The following GALK2 variants were observed in gnomAD, a reference collection of about 807,000 sequenced individuals.
The protein encoded by GALK2 is N-acetylgalactosamine kinase.
A neutral mutation model predicts 52.4 loss-of-function variants in GALK2; 36 were observed. That is an observed-to-expected ratio of 0.69 (90% CI 0.53 to 0.91). The LOEUF (loss-of-function observed/expected upper bound fraction) is 0.91, where lower values mean the gene tolerates loss of function less well. GALK2 is among the 40% of genes least tolerant of loss of function. GALK2 has a pLI of 0.00. For missense variants in GALK2, 579 were observed against 559.1 expected (o/e 1.04, Z -0.36); for synonymous variants, 176 against 199.1 (o/e 0.88, Z 0.98).
chr15:49,192,148 G>A (rs898528079), intron 1 of GALK2, among the ~76,000 whole-genome samples: 6 of 151,812 alleles, frequency 4.0e-5, no homozygotes, highest in African/African-American at 1.5e-4. Flanking sequence ...ATATTGTGTT[G>A]TTTCTTTCCA....
exon 1 of GALK2, chr15:49,156,006 C>T: frequency 1.9e-6 from 3 of 1,614,174 alleles, no homozygotes; most frequent in South Asian, 2.2e-5. Context: ...CATGCCCGTC[C>T]TATATGACAG....
In GALK2 at chr15:49,319,723, T is replaced by C. The variant is rs2036732994; in HGVS notation, c.1087T>C (p.Leu363=). The change falls in exon 9 of 10, where the codon TTG becomes CTG. Residue 363 remains leucine, a synonymous_variant. Coordinates refer to ENST00000560031, the MANE Select transcript of GALK2 (RefSeq NM_002044.4). ...AAACATGGTCCAGCTGCTGGGAGAG[T>C]TGATGAACCAGAGCCACATGAGCTG... ...PENMVQLLGE[L]MNQSHMSCRD... 6.2e-7 allele frequency: 1 copy of C among 1,613,028 alleles called. No homozygotes were observed. Among genetic ancestry groups the C allele is most frequent in the Non-Finnish European group, 8.5e-7 (1 of 1,179,774 alleles).
chr15:49,156,552 C>T (rs2084459366), intron 1 of GALK2: 2 of 518,944 alleles, frequency 3.9e-6, no homozygotes, highest in Non-Finnish European at 7.6e-6. Flanking sequence ...GATCCTGTGT[C>T]TTCCGTGCAG....
intron 8 of GALK2, 105 bp from the exon 9 acceptor site, chr15:49,319,499 T>A: frequency 1.1e-6 from 1 of 886,998 alleles, no homozygotes; most frequent in Non-Finnish European, 1.7e-6. Context: ...TTTAAGATAC[T>A]GATAATGAAA....
At chr15:49,236,866 C>A (rs2090837166) in intron 4 of GALK2, among the ~76,000 whole-genome samples, 1 of 152,158 alleles carries the variant, frequency 6.6e-6, no homozygotes, top group South Asian at 2.1e-4. Flanking sequence ...AGAAATACAT[C>A]AAATTTATTT....
At chr15:49,322,984 A>G (rs969813598) in intron 9 of GALK2, among the ~76,000 whole-genome samples, 2 of 151,744 alleles carry the variant, frequency 1.3e-5, no homozygotes, top group African/African-American at 4.8e-5. Flanking sequence ...AAAGAAAAAA[A>G]AAAAAAGATG....
intron 3 of GALK2, among the ~76,000 whole-genome samples, chr15:49,357,394 A>G (rs1567141453): frequency 1.3e-5 from 2 of 150,104 alleles, no homozygotes; most frequent in Admixed American, 1.3e-4. Flanking sequence ...AAAAAATGAT[A>G]AAGGGGATAT....
At chr15:49,202,323 A>T (rs1595640807) in intron 2 of GALK2, among the ~76,000 whole-genome samples, 1 of 151,224 alleles carries the variant, frequency 6.6e-6, no homozygotes, top group African/African-American at 2.4e-5. Flanking sequence ...CTGTTAACTG[A>T]CCTCTCCCTA....
At chr15:49,299,331 G>T (rs2034761844) in intron 8 of GALK2, among the ~76,000 whole-genome samples, 1 of 152,066 alleles carries the variant, frequency 6.6e-6, no homozygotes, top group Non-Finnish European at 1.5e-5. Flanking sequence ...TTCATTCAAA[G>T]AACTAGTTTT....
intron 1 of GALK2, among the ~76,000 whole-genome samples, chr15:49,181,979 A>C (rs1297530034): frequency 6.6e-6 from 1 of 152,128 alleles, no homozygotes; most frequent in Non-Finnish European, 1.5e-5. Flanking sequence ...AGCATTTATC[A>C]TTTCTTTGTG....
At chr15:49,294,179 A>G (rs1405428149) in intron 8 of GALK2, among the ~76,000 whole-genome samples, 1 of 149,890 alleles carries the variant, frequency 6.7e-6, no homozygotes, top group African/African-American at 2.5e-5. Flanking sequence ...AAATAAATAA[A>G]TAAATAAGCA....
At chr15:49,282,988 C>G (rs1458673509) in intron 6 of GALK2, among the ~76,000 whole-genome samples, 1 of 152,182 alleles carries the variant, frequency 6.6e-6, no homozygotes, top group Admixed American at 6.5e-5. Flanking sequence ...CAAAACACTT[C>G]ACCATCTGAC....
At chr15:49,186,203 G>A (rs2141242088) in intron 1 of GALK2, among the ~76,000 whole-genome samples, 1 of 152,158 alleles carries the variant, frequency 6.6e-6, no homozygotes, top group African/African-American at 2.4e-5. Flanking sequence ...TCCTATCCCA[G>A]TCTCTCTCAC....
At chr15:49,252,517 T>A (rs1336475466) in intron 5 of GALK2, among the ~76,000 whole-genome samples, 1 of 152,202 alleles carries the variant, frequency 6.6e-6, no homozygotes, top group Non-Finnish European at 1.5e-5. Context: ...TTTTGTATAA[T>A]ATCAGTTTTA....
intron 2 of GALK2, among the ~76,000 whole-genome samples, chr15:49,210,952 G>T (rs1050492745): frequency 9.3e-6 from 1 of 107,548 alleles, no homozygotes. Context: ...TCCCAATGTT[G>T]GCTGTCACAC....
chr15:49,177,848 C>G (rs1340946865), intron 1 of GALK2: 4 of 243,844 alleles, frequency 1.6e-5, no homozygotes, highest in African/African-American at 9.1e-5. Context: ...GTTGAATCTT[C>G]ACCGAAGTGA....
At chr15:49,337,231 A>C (rs1461436060) in intron 3 of GALK2, among the ~76,000 whole-genome samples, 1 of 152,184 alleles carries the variant, frequency 6.6e-6, no homozygotes, top group East Asian at 1.9e-4. Context: ...TGCTGGGTTG[A>C]ACGGTAGTTC....
intron 1 of GALK2, chr15:49,170,607 ATTC>A (rs1274964740): frequency 1.1e-5 from 6 of 525,692 alleles, no homozygotes; most frequent in African/African-American, 5.7e-5. Flanking sequence ...ATCCATGCAG[ATTC>A]TTCTTTTCCT....
At chr15:49,354,817 C>A (rs374712850) in intron 3 of GALK2, among the ~76,000 whole-genome samples, 2 of 151,946 alleles carry the variant, frequency 1.3e-5, no homozygotes, top group African/African-American at 4.8e-5. Context: ...ACAGCAGTAA[C>A]CTCTGCAGAC....
Sources: allele counts gnomAD v4.1 joint callset (sites outside exome capture counted in the v4.1 genomes callset), GRCh38; gene constraint gnomAD v4.1.1; transcripts MANE v1.5; gene names NCBI Gene and HGNC (gene_info 2026-07-23, HGNC 2026-07-21).